Variants in FOXJ3 observed in about 807,000 individuals in gnomAD.
FOXJ3 encodes the protein forkhead box protein J3.
FOXJ3 carries 22 observed loss-of-function variants against 76.1 expected under a neutral mutation model. The observed-to-expected ratio is 0.29, with a 90% CI of 0.21 to 0.41. The LOEUF (loss-of-function observed/expected upper bound fraction) is 0.41, where lower values mean the gene tolerates loss of function less well. Among genes scored for constraint, FOXJ3 ranks in the 10% least tolerant of loss-of-function variants. The probability of loss-of-function intolerance (pLI) is 1.00; values close to 1 mark genes in which losing one functional copy is unlikely to be tolerated. For synonymous variants in FOXJ3, 269 were observed against 261.2 expected (o/e 1.03, Z -0.29); for missense variants, 613 against 762.1 (o/e 0.80, Z 2.30).
intron 1 of FOXJ3, among the ~76,000 whole-genome samples, chr1:42,316,333 C>CGTTTTTTTTTT (rs1322633444): frequency 0.024 from 1,763 of 73,888 alleles, 97 homozygotes; most frequent in African/African-American, 0.073. Context: ...TGCATTGGGC[C>CGTTTTTTTTTT]TTTTTTTTTT....
In FOXJ3 at chr1:42,288,353, T is replaced by C. The variant is rs545152316; in HGVS notation, c.45-9681A>G. The stretch of plus-strand genomic sequence containing the variant: ...CCTTCAAGTAACATATGTCCACTAA[T>C]TTTGTTTCATTAAAGTGGTTATCCT... On this transcript the variant is annotated intron_variant, in intron 2 of 12. Transcript: ENST00000361346. Among the ~76,000 whole-genome samples the C allele has an allele frequency of 1.3e-4, 20 of 152,336 alleles. No individual in the cohort carries two copies. In the South Asian group the frequency reaches 3.9e-3, roughly 30 times the overall value.
At position 42,248,282 on chromosome 1, in the gene FOXJ3, C is replaced by T. The variant is rs1649703158; in HGVS notation, c.444+16833G>A. Among the ~76,000 whole-genome samples the T allele has an allele frequency of 1.3e-5, 2 of 152,072 alleles. 1 individual carries two copies. The highest frequency in any genetic ancestry group is 4.1e-4 in the South Asian group (2 of 4,824). On this transcript the variant is annotated intron_variant, in intron 4 of 12. Transcript: ENST00000361346. ...GGGCGTGGTGGCTCATGCCTGTAATCCCAGCACTTTGGGAGGCTGAGGTGG... is the reference window on the plus strand; with the variant it reads ...GGGCGTGGTGGCTCATGCCTGTAATTCCAGCACTTTGGGAGGCTGAGGTGG...
At chr1:42,303,022 T>C (rs1654251972) in intron 2 of FOXJ3, among the ~76,000 whole-genome samples, 1 of 152,146 alleles carries the variant, frequency 6.6e-6, no homozygotes, top group African/African-American at 2.4e-5. Context: ...CTATTACCTT[T>C]TTCCACAGTC....
At chr1:42,241,315 A>G (rs1227657606) in intron 4 of FOXJ3, among the ~76,000 whole-genome samples, 1 of 152,198 alleles carries the variant, frequency 6.6e-6, no homozygotes, top group Non-Finnish European at 1.5e-5. Context: ...TAGCCACAGC[A>G]TACTTGTACA....
In FOXJ3 at chr1:42,205,056, A is replaced by T. The variant is rs1159996222; in HGVS notation, c.630+706T>A. On this transcript the variant is annotated intron_variant, in intron 6 of 12. Transcript: ENST00000361346. Reference sequence around the variant, plus strand: ...AACAAGACTGAAAGAGAATCTAAGCATAAGTGTGAGAGATATATGGCTCTG... The same window carrying T: ...AACAAGACTGAAAGAGAATCTAAGCTTAAGTGTGAGAGATATATGGCTCTG... 1.3e-5 allele frequency among the ~76,000 whole-genome samples: 2 copies of T among 152,190 alleles called. 1 individual carries two copies. Among genetic ancestry groups the T allele is most frequent in the African/African-American group, 4.8e-5 (2 of 41,448 alleles).
chr1:42,200,700 G>A (rs534241646), intron 6 of FOXJ3, among the ~76,000 whole-genome samples: 49 of 152,114 alleles, frequency 3.2e-4, no homozygotes, highest in African/African-American at 1.1e-3. Context: ...TGCTGGTCTC[G>A]AACTCCTGAC....
In FOXJ3 at chr1:42,176,628, A is replaced by G. The variant is rs568691102; in HGVS notation, c.*3082T>C. 1 of 152,762 alleles carries G rather than the reference A, an allele frequency of 6.5e-6. No homozygotes were observed. Among genetic ancestry groups the G allele is most frequent in the Admixed American group, 6.5e-5 (1 of 15,302 alleles). The allele number at this position is 152,762 out of a possible 1,614,324, so 9.5% of individuals were successfully genotyped here. A position where few individuals can be genotyped will look rare whatever the true frequency, so the allele number is the denominator to read the frequency against. On this transcript the variant is annotated 3_prime_UTR_variant, in exon 13 of 13. Transcript: ENST00000361346. ...AGCAACAATCCTAATGACACTTGGA[A>G]TATTTCTTTACAGCACTAAACAGTT...
intron 6 of FOXJ3, 83 bp from the exon 7 acceptor site, chr1:42,199,313 T>C (rs1646713897): frequency 5.8e-6 from 7 of 1,214,466 alleles, no homozygotes; most frequent in Non-Finnish European, 8.2e-6. Context: ...AGCAGGCATA[T>C]GGCAAGAAGA....
chr1:42,311,437 T>TA (rs1382218803), intron 1 of FOXJ3, among the ~76,000 whole-genome samples: 1 of 152,196 alleles, frequency 6.6e-6, no homozygotes, highest in Non-Finnish European at 1.5e-5. Flanking sequence ...GGCTATGTCA[T>TA]AAAGTGTCCA....
intron 3 of FOXJ3, among the ~76,000 whole-genome samples, chr1:42,275,307 G>C: frequency 6.6e-6 from 1 of 152,206 alleles, no homozygotes; most frequent in East Asian, 1.9e-4. Flanking sequence ...TCTGATGATA[G>C]ACCTAAAGCC....
chr1:42,327,314 C>T (rs1655896536), intron 1 of FOXJ3, among the ~76,000 whole-genome samples: 2 of 152,122 alleles, frequency 1.3e-5, no homozygotes, highest in South Asian at 4.1e-4. Context: ...AAAGAGACGC[C>T]ATGTATCATT....
intron 5 of FOXJ3, among the ~76,000 whole-genome samples, chr1:42,215,051 AT>A (rs1463471648): frequency 1.3e-5 from 2 of 152,342 alleles, no homozygotes; most frequent in East Asian, 3.9e-4. Context: ...CCCAGAGTCT[AT>A]AAAAACATAA....
rs762138513 is a variant in FOXJ3 at position 42,189,364 on chromosome 1, T to C, written c.1392A>G (p.Lys464=). The C allele has an allele frequency of 6.2e-7, 1 of 1,613,522 alleles. No individual in the cohort carries two copies. Among genetic ancestry groups the C allele is most frequent in the South Asian group, 1.1e-5 (1 of 91,038 alleles). The part of the protein sequence containing the change: ...NDWYATLDML[K]ESCRIASSVN... ...CACTGCTGGCAATTCGACAGCTTTCTTTTAGCATATCAAGTGTCGCATACC... is the reference window on the plus strand; with the variant it reads ...CACTGCTGGCAATTCGACAGCTTTCCTTTAGCATATCAAGTGTCGCATACC... The change falls in exon 10 of 13, where the codon AAA becomes AAG. Residue 464 remains lysine (K), a synonymous_variant. Transcript: ENST00000361346.
chr1:42,237,911 TACACACACACACACAC>T (rs60804378), intron 4 of FOXJ3, among the ~76,000 whole-genome samples: 1 of 150,720 alleles, frequency 6.6e-6, no homozygotes, highest in South Asian at 2.1e-4. Context: ...TCTATCAAAA[TACACACACACACACAC>T]ACACACACAC....
At chr1:42,330,337 G>A (rs1192962518) in intron 1 of FOXJ3, among the ~76,000 whole-genome samples, 1 of 152,146 alleles carries the variant, frequency 6.6e-6, no homozygotes, top group Non-Finnish European at 1.5e-5. Flanking sequence ...TTCATTTTAA[G>A]TCCGGAAGAA....
intron 4 of FOXJ3, among the ~76,000 whole-genome samples, chr1:42,247,253 T>C (rs1434161960): frequency 1.3e-5 from 2 of 152,192 alleles, no homozygotes; most frequent in African/African-American, 4.8e-5. Flanking sequence ...ATTCTATGTA[T>C]GTAACAAAAT....
At chr1:42,242,894 A>G (rs1299856161) in intron 4 of FOXJ3, among the ~76,000 whole-genome samples, 1 of 152,228 alleles carries the variant, frequency 6.6e-6, no homozygotes, top group Non-Finnish European at 1.5e-5. Flanking sequence ...TTTGTGATAC[A>G]TTATACTCAA....
chr1:42,285,889 T>C (rs1557700010), intron 2 of FOXJ3, among the ~76,000 whole-genome samples: 3 of 152,244 alleles, frequency 2.0e-5, no homozygotes, highest in Non-Finnish European at 4.4e-5. Context: ...TCTGGATATG[T>C]AGAGTGCATA....
intron 4 of FOXJ3, among the ~76,000 whole-genome samples, chr1:42,230,208 G>T (rs1232130465): frequency 6.6e-6 from 1 of 152,090 alleles, no homozygotes; most frequent in Non-Finnish European, 1.5e-5. Flanking sequence ...AACAGTTCAG[G>T]CTAACACAGT....
Sources: allele counts gnomAD v4.1 joint callset (sites outside exome capture counted in the v4.1 genomes callset), GRCh38; gene constraint gnomAD v4.1.1; transcripts MANE v1.5; gene names NCBI Gene and HGNC (gene_info 2026-07-23, HGNC 2026-07-21).